The following GUCY1A2 variants were observed in gnomAD, a reference collection of about 807,000 sequenced individuals.
GUCY1A2 encodes guanylate cyclase soluble subunit alpha-2.
A neutral mutation model predicts 63.5 loss-of-function variants in GUCY1A2; 27 were observed. The ratio of observed to expected loss-of-function variants is 0.43; its 90% CI spans 0.31 to 0.59. The LOEUF is 0.59. Among genes scored for constraint, GUCY1A2 ranks in the 20% least tolerant of loss-of-function variants. The pLI is 0.11. For missense variants in GUCY1A2, 768 were observed against 913.3 expected (o/e 0.84, Z 2.05); for synonymous variants, 364 against 343.5 (o/e 1.06, Z -0.66).
intron 1 of GUCY1A2, among the ~76,000 whole-genome samples, chr11:106,998,451 T>C (rs772277677): frequency 6.6e-6 from 1 of 152,238 alleles, no homozygotes; most frequent in Non-Finnish European, 1.5e-5. Flanking sequence ...CTGTCAAACG[T>C]TGTCCTGCAC....
intron 2 of GUCY1A2, among the ~76,000 whole-genome samples, chr11:106,980,107 C>G (rs1423678040): frequency 1.3e-5 from 2 of 152,174 alleles, no homozygotes; most frequent in Non-Finnish European, 2.9e-5. Context: ...AGGAAGAAGA[C>G]TCTGGAGAAA....
chr11:106,713,924 T>C (rs1277393657), intron 6 of GUCY1A2, among the ~76,000 whole-genome samples: 3 of 151,950 alleles, frequency 2.0e-5, no homozygotes, highest in African/African-American at 7.3e-5. Flanking sequence ...GACTGTCCGT[T>C]TGAGATTCTA....
intron 1 of GUCY1A2, among the ~76,000 whole-genome samples, chr11:107,005,501 C>T (rs760845393): frequency 1.3e-5 from 2 of 152,074 alleles, no homozygotes; most frequent in Non-Finnish European, 2.9e-5. Flanking sequence ...CTCAAACTCC[C>T]GGGCTCAAGC....
intron 1 of GUCY1A2, among the ~76,000 whole-genome samples, chr11:107,005,369 G>A (rs1396928509): frequency 2.0e-5 from 3 of 152,066 alleles, no homozygotes; most frequent in Non-Finnish European, 4.4e-5. Context: ...GACCACATGG[G>A]CTCAAGTGAT....
At chr11:106,878,782 TAAAAAAAAAA>T (rs372754272) in intron 4 of GUCY1A2, among the ~76,000 whole-genome samples, 1 of 138,002 alleles carries the variant, frequency 7.2e-6, no homozygotes, top group Non-Finnish European at 1.6e-5. Flanking sequence ...ACTTAAAAGT[TAAAAAAAAAA>T]AAAAAAAAGA....
intron 6 of GUCY1A2, among the ~76,000 whole-genome samples, chr11:106,763,918 A>G (rs1215458020): frequency 6.6e-6 from 1 of 152,130 alleles, no homozygotes; most frequent in African/African-American, 2.4e-5. Context: ...TCTGGAAGAT[A>G]ATATGTCCAA....
At chr11:106,897,511 T>C (rs958257769) in intron 4 of GUCY1A2, among the ~76,000 whole-genome samples, 5 of 151,618 alleles carry the variant, frequency 3.3e-5, no homozygotes, top group Admixed American at 6.6e-5. Flanking sequence ...AATTGATCAA[T>C]AGAACAGAAT....
rs113588899 is a variant in GUCY1A2 at position 107,000,965 on chromosome 11, T to G, written c.304-14834A>C. 9.9e-4 allele frequency among the ~76,000 whole-genome samples: 151 copies of G among 152,302 alleles called. 1 individual carries two copies. The highest frequency in any genetic ancestry group is 3.5e-3 in the African/African-American group (147 of 41,576). On this transcript the variant is annotated intron_variant, in intron 1 of 7. Coordinates refer to ENST00000526355, the MANE Select transcript of GUCY1A2 (RefSeq NM_000855.3). ...TTTGGTCAATACTCATTACAAGATA[T>G]TTATTTCCTTTTGTTAAGGTCTACA...
chr11:106,844,451 G>A (rs989249950), intron 4 of GUCY1A2, among the ~76,000 whole-genome samples: 4 of 151,630 alleles, frequency 2.6e-5, no homozygotes, highest in Non-Finnish European at 3.0e-5. Context: ...CTTCAATTTG[G>A]CTCTTCTCCG....
At chr11:106,705,618 T>C (rs1477057742) in intron 7 of GUCY1A2, among the ~76,000 whole-genome samples, 1 of 152,084 alleles carries the variant, frequency 6.6e-6, no homozygotes, top group Admixed American at 6.6e-5. Flanking sequence ...CCCAGCACTT[T>C]GGGAGGCCGA....
At chr11:106,724,909 T>G (rs916341526) in intron 6 of GUCY1A2, among the ~76,000 whole-genome samples, 4 of 152,152 alleles carry the variant, frequency 2.6e-5, no homozygotes, top group Non-Finnish European at 5.9e-5. Flanking sequence ...AATCTTATTC[T>G]CCTACTCAGA....
intron 4 of GUCY1A2, among the ~76,000 whole-genome samples, chr11:106,928,488 A>G (rs1010520423): frequency 1.2e-4 from 17 of 145,908 alleles, no homozygotes; most frequent in East Asian, 2.0e-4. Context: ...ATCTCCAAGG[A>G]AAAAAAAAAA....
intron 5 of GUCY1A2, among the ~76,000 whole-genome samples, chr11:106,783,871 T>G (rs921773983): frequency 6.6e-6 from 1 of 152,140 alleles, no homozygotes; most frequent in African/African-American, 2.4e-5. Flanking sequence ...CCAGAAGGGA[T>G]ATTTTTTGTT....
In GUCY1A2 at chr11:107,017,845, CG is replaced by C. The variant is rs1861846482; in HGVS notation, c.210del (p.Ala71LeufsTer27). On this transcript the variant is annotated frameshift_variant, in exon 1 of 8. Coordinates refer to ENST00000526355, the MANE Select transcript of GUCY1A2 (RefSeq NM_000855.3). LOFTEE classifies it high-confidence loss of function. ...APTPAASAAAAAATAGARRVQ... is the reference protein window; with the variant it reads ...APTPAASAAAXAATAGARRVQ... ...ACCCTCCTGGCCCCGGCAGTGGCAG[CG>C]GCGGCGGCGGCAGAAGCAGCCGGGG... is the stretch of plus-strand genomic sequence containing the variant. 1 of 1,244,478 alleles carries C rather than the reference CG, an allele frequency of 8.0e-7. No individual in the cohort carries two copies. Among genetic ancestry groups the C allele is most frequent in the Non-Finnish European group, 1.0e-6 (1 of 991,724 alleles). 77.1% of individuals were successfully genotyped at this position (1,244,478 alleles called of 1,614,324 possible).
chr11:106,776,716 G>T, intron 5 of GUCY1A2, 134 bp from the exon 6 acceptor site: 1 of 777,990 alleles, frequency 1.3e-6, no homozygotes, highest in Non-Finnish European at 2.1e-6. Context: ...TTAGACTACT[G>T]TTTATAATCA....
chr11:107,004,834 T>A (rs1318331169), intron 1 of GUCY1A2, among the ~76,000 whole-genome samples: 2 of 152,126 alleles, frequency 1.3e-5, no homozygotes, highest in Non-Finnish European at 2.9e-5. Context: ...GTAGAGGACA[T>A]TTCTGACATG....
Position 106,708,557 on chromosome 11 carries a change from G to T in GUCY1A2, c.1946C>A (p.Ser649Ter). 6.2e-7 allele frequency: 1 copy of T among 1,612,662 alleles called. No individual in the cohort carries two copies. The highest frequency in any genetic ancestry group is 2.2e-5 in the East Asian group (1 of 44,762). The change falls in exon 7 of 8, where the codon TCG (serine) becomes TAG (stop). Residue 649 changes from serine to a stop codon, truncating the protein, a stop_gained. Coordinates refer to ENST00000526355, the MANE Select transcript of GUCY1A2 (RefSeq NM_000855.3). LOFTEE classifies it high-confidence loss of function. ...NNVTLASKFE[S>*]GSHPRRINVS... ...ATTGATGCGCCGAGGGTGACTTCCC[G>T]ACTCGAATTTGCTTGCCAGTGTGAC...
chr11:106,901,832 C>T (rs574655527), intron 4 of GUCY1A2, among the ~76,000 whole-genome samples: 1 of 152,280 alleles, frequency 6.6e-6, no homozygotes, highest in African/African-American at 2.4e-5. Context: ...TTTTTTATGG[C>T]CGCACAGTAT....
Position 106,930,872 on chromosome 11 carries a change from G to A in GUCY1A2, c.1206+8588C>T, listed in dbSNP as rs116091996. On this transcript the variant is annotated intron_variant, in intron 4 of 7. Transcript: ENST00000526355. ...AGGCGGATCACGAGGTCAAGAGTTC[G>A]AGACCAGCATATGGCCACACAGAAT... Among the ~76,000 whole-genome samples, 1,105 of 152,286 alleles carry A rather than the reference G, an allele frequency of 7.3e-3. 16 individuals are homozygous for A. Among genetic ancestry groups the A allele is most frequent in the African/African-American group, 0.025 (1,022 of 41,558 alleles).
Sources: gnomAD v4.1 joint callset for allele counts (sites outside exome capture counted in the v4.1 genomes callset) on GRCh38, gnomAD v4.1.1 for gene constraint, MANE v1.5 for transcripts, NCBI Gene and HGNC (gene_info 2026-07-23, HGNC 2026-07-21) for gene names.